The following PMFBP1 variants were observed in gnomAD, a reference collection of about 807,000 sequenced individuals.
The protein encoded by PMFBP1 is polyamine-modulated factor 1-binding protein 1.
Under a neutral mutation model 137.8 loss-of-function variants are expected in PMFBP1, and 131 were observed. The ratio of observed to expected loss-of-function variants is 0.95; its 90% CI spans 0.82 to 1.10. The LOEUF (loss-of-function observed/expected upper bound fraction) is 1.10, where lower values mean the gene tolerates loss of function less well. Among genes scored for constraint, PMFBP1 ranks in the 50% least tolerant of loss-of-function variants. The pLI, the probability that PMFBP1 is intolerant of heterozygous loss-of-function variation, is 0.00. For missense variants in PMFBP1, 1,199 were observed against 1,175.4 expected (o/e 1.02, Z -0.29); for synonymous variants, 490 against 450.4 (o/e 1.09, Z -1.11).
chr16:72,142,882 C>A (rs1266138496), intron 5 of PMFBP1, among the ~76,000 whole-genome samples: 3 of 151,776 alleles, frequency 2.0e-5, no homozygotes, highest in South Asian at 2.1e-4. Flanking sequence ...ATCCAGACAC[C>A]AATATGCAAG....
In PMFBP1 at chr16:72,147,811, C is replaced by T. The variant is rs185339296; in HGVS notation, c.636+2797G>A. Among the ~76,000 whole-genome samples the T allele has an allele frequency of 1.8e-3, 276 of 152,216 alleles. 1 individual carries two copies. Among genetic ancestry groups the T allele is most frequent in the Non-Finnish European group, 3.5e-3 (236 of 67,998 alleles). On this transcript the variant is annotated intron_variant, in intron 5 of 20. Coordinates refer to ENST00000237353, the MANE Select transcript of PMFBP1 (RefSeq NM_031293.3). ...GTCATTAGAGAAGTGCAAGTCAAAACCACAATGAGATACCATCTCATGCCA... is the reference window on the plus strand; with the variant it reads ...GTCATTAGAGAAGTGCAAGTCAAAATCACAATGAGATACCATCTCATGCCA...
chr16:72,158,652 C>CTG (rs2043017057), intron 3 of PMFBP1, among the ~76,000 whole-genome samples: 1 of 152,006 alleles, frequency 6.6e-6, no homozygotes, highest in Non-Finnish European at 1.5e-5. Flanking sequence ...AGTGAACATC[C>CTG]TGTGGTAGGG....
intron 3 of PMFBP1, 27 bp downstream of exon 3, chr16:72,164,737 G>C (rs763272593): frequency 7.6e-6 from 12 of 1,570,880 alleles, no homozygotes; most frequent in Middle Eastern, 2.0e-4. Flanking sequence ...GAGAGCAGGG[G>C]TGAGCGGCTG....
At chr16:72,218,392 G>C in the PMFBP1 span, among the ~76,000 whole-genome samples, 4 of 151,780 alleles carry the variant, frequency 2.6e-5, no homozygotes, top group Admixed American at 1.3e-4. Context: ...CAGTGGCGCG[G>C]TCTTGGCTCA....
At chr16:72,183,843 T>A in the PMFBP1 span, among the ~76,000 whole-genome samples, 1 of 152,174 alleles carries the variant, frequency 6.6e-6, no homozygotes, top group Non-Finnish European at 1.5e-5. Context: ...TCGCATTTGC[T>A]GCCTCTTGAT....
the PMFBP1 span, among the ~76,000 whole-genome samples, chr16:72,191,157 A>T: frequency 6.6e-5 from 10 of 152,218 alleles, no homozygotes; most frequent in African/African-American, 9.6e-5. Flanking sequence ...GGTCATCAAA[A>T]AACTTTCTGC....
At chr16:72,122,703 T>G (rs1437855940) in intron 19 of PMFBP1, among the ~76,000 whole-genome samples, 1 of 152,072 alleles carries the variant, frequency 6.6e-6, no homozygotes. Flanking sequence ...TAAACTCCCT[T>G]TGGATTTTTG....
At chr16:72,124,602 T>C (rs550567073) in intron 17 of PMFBP1, among the ~76,000 whole-genome samples, 165 bp downstream of exon 17, 1 of 152,210 alleles carries the variant, frequency 6.6e-6, no homozygotes, top group Non-Finnish European at 1.5e-5. Context: ...CACAGGTGGG[T>C]TGAACCAGCA....
intron 3 of PMFBP1, among the ~76,000 whole-genome samples, chr16:72,160,864 A>C (rs17604185): frequency 0.019 from 2,844 of 152,294 alleles, 33 homozygotes; most frequent in Non-Finnish European, 0.025. Flanking sequence ...AGGTCTATAG[A>C]ACAATCTAGG....
At chr16:72,170,372 C>A (rs939751358) in intron 2 of PMFBP1, among the ~76,000 whole-genome samples, 26 of 152,046 alleles carry the variant, frequency 1.7e-4, no homozygotes, top group Non-Finnish European at 2.2e-4. Context: ...ATCCTTTACT[C>A]ATCAAAAAAG....
the PMFBP1 span, among the ~76,000 whole-genome samples, chr16:72,237,853 T>G: frequency 1.3e-5 from 2 of 152,208 alleles, no homozygotes; most frequent in African/African-American, 2.4e-5. Context: ...TGTGTCCATG[T>G]GTTCTCATCA....
Position 72,136,470 on chromosome 16 carries a change from T to C in PMFBP1, c.1181A>G (p.Lys394Arg). ...ELQLEFTETQ[K>R]LTLKKDKFLQ... Reference sequence around the variant, plus strand: ...TACCTTGTCTTTCTTCAAAGTGAGCTTTTGGGTCTCGGTGAACTCCAGCTG... The same window carrying C: ...TACCTTGTCTTTCTTCAAAGTGAGCCTTTGGGTCTCGGTGAACTCCAGCTG... The change falls in exon 9 of 21, where the codon AAG becomes AGG. Residue 394 changes from lysine to arginine, a missense_variant. By Grantham distance (26) the Lys-to-Arg change is conservative (BLOSUM62 2). Coordinates refer to ENST00000237353, the MANE Select transcript of PMFBP1 (RefSeq NM_031293.3). The C allele has an allele frequency of 6.2e-7, 1 of 1,613,686 alleles. No individual in the cohort carries two copies. The highest frequency in any genetic ancestry group is 8.5e-7 in the Non-Finnish European group (1 of 1,179,904).
chr16:72,220,322 T>C, the PMFBP1 span, among the ~76,000 whole-genome samples: 1 of 152,186 alleles, frequency 6.6e-6, no homozygotes, highest in African/African-American at 2.4e-5. Context: ...ATGACACATC[T>C]GCTAGATGGA....
chr16:72,218,584 T>C, the PMFBP1 span, among the ~76,000 whole-genome samples: 2 of 152,160 alleles, frequency 1.3e-5, no homozygotes, highest in African/African-American at 4.8e-5. Flanking sequence ...CCCGGCCTAA[T>C]ACTTAAACAT....
chr16:72,230,396 C>T, the PMFBP1 span, among the ~76,000 whole-genome samples: 1 of 152,252 alleles, frequency 6.6e-6, no homozygotes, highest in South Asian at 2.1e-4. Flanking sequence ...TAAATTATTA[C>T]ACTCAATCCT....
At chr16:72,205,777 G>A in the PMFBP1 span, among the ~76,000 whole-genome samples, 3 of 152,096 alleles carry the variant, frequency 2.0e-5, no homozygotes, top group African/African-American at 7.2e-5. Context: ...GGTCCACTCT[G>A]CTGCACACTC....
intron 3 of PMFBP1, among the ~76,000 whole-genome samples, chr16:72,163,650 A>G (rs1320263779): frequency 2.6e-5 from 4 of 152,312 alleles, no homozygotes; most frequent in African/African-American, 9.6e-5. Flanking sequence ...GGAAGCAGAT[A>G]AAAGGTGTGT....
At chr16:72,130,080 C>G in intron 12 of PMFBP1, 133 bp downstream of exon 12, 1 of 1,213,278 alleles carries the variant, frequency 8.2e-7, no homozygotes, top group Non-Finnish European at 1.2e-6. Flanking sequence ...GTCTGGAACC[C>G]CTGGGCTCAA....
At chr16:72,238,965 T>G in the PMFBP1 span, among the ~76,000 whole-genome samples, 1 of 152,028 alleles carries the variant, frequency 6.6e-6, no homozygotes, top group Non-Finnish European at 1.5e-5. Context: ...AGCAAATAAT[T>G]ATCCTGTCAA....
Sources: gnomAD v4.1 joint callset for allele counts (sites outside exome capture counted in the v4.1 genomes callset) on GRCh38, gnomAD v4.1.1 for gene constraint, MANE v1.5 for transcripts, NCBI Gene and HGNC (gene_info 2026-07-23, HGNC 2026-07-21) for gene names.